The following KLHL21 variants were observed in gnomAD, a reference collection of about 807,000 sequenced individuals.
KLHL21 encodes kelch-like protein 21.
Under a neutral mutation model 44.1 loss-of-function variants are expected in KLHL21, and 42 were observed. The observed-to-expected ratio is 0.95, with a 90% CI of 0.74 to 1.23. The LOEUF is 1.23. Ranked by LOEUF, KLHL21 falls within the 50% of genes most tolerant of loss-of-function variation. The probability of loss-of-function intolerance (pLI) is 0.00; values close to 1 mark genes in which losing one functional copy is unlikely to be tolerated. For synonymous variants in KLHL21, 524 were observed against 411.6 expected (o/e 1.27, Z -3.31); for missense variants, 918 against 889.1 (o/e 1.03, Z -0.41).
At chr1:6,594,149 G>A (rs775220120) in intron 3 of KLHL21, 15 of 894,614 alleles carry the variant, frequency 1.7e-5, no homozygotes, top group Non-Finnish European at 2.0e-5. Context: ...TTAAATGCCA[G>A]GACATTAAGC....
At chr1:6,597,529 G>A (rs1016221902) in intron 2 of KLHL21, among the ~76,000 whole-genome samples, 1 of 152,220 alleles carries the variant, frequency 6.6e-6, no homozygotes, top group Admixed American at 6.5e-5. Context: ...AGATTCCAGG[G>A]CTTTCTCAGA....
chr1:6,597,489 G>C (rs925484544), intron 2 of KLHL21, among the ~76,000 whole-genome samples: 1 of 152,252 alleles, frequency 6.6e-6, no homozygotes, highest in African/African-American at 2.4e-5. Context: ...AGGGTCAGAT[G>C]ATGTTTTATA....
Position 6,602,262 on chromosome 1 carries a change from G to A in KLHL21, c.556C>T (p.Arg186Trp), listed in dbSNP as rs867298014. The A allele has an allele frequency of 2.6e-6, 4 of 1,550,868 alleles. 1 individual carries two copies. The Middle Eastern group carries it at 5.3e-4, about 204-fold the overall frequency. The change falls in exon 1 of 4, where the codon CGG (arginine) becomes TGG (tryptophan). Residue 186 changes from arginine (R) to tryptophan (W), a missense_variant. By Grantham distance (101) the Arg-to-Trp change is moderately radical. Transcript: ENST00000377658. ...TTGGGCACACACAGCCCGTCGTCCCGCAGGTAGCGCAGCAGGCGCGCCAGT... is the reference window on the plus strand; with the variant it reads ...TTGGGCACACACAGCCCGTCGTCCCACAGGTAGCGCAGCAGGCGCGCCAGT... ...LPLARLLRYL[R>W]DDGLCVPKEE...
intron 3 of KLHL21, 68 bp from the exon 4 acceptor site, chr1:6,593,726 C>T (rs2148700730): frequency 6.7e-7 from 1 of 1,488,204 alleles, no homozygotes. Context: ...ACCTGGGGAA[C>T]CACTGGAGAC....
At chr1:6,594,088 T>C in intron 3 of KLHL21, 1 of 1,002,164 alleles carries the variant, frequency 1.0e-6, no homozygotes, top group Non-Finnish European at 1.2e-6. Flanking sequence ...TTTCCCAAAT[T>C]CGCTATGACT....
At chr1:6,596,165 G>A (rs970119826) in intron 2 of KLHL21, among the ~76,000 whole-genome samples, 2 of 152,230 alleles carry the variant, frequency 1.3e-5, no homozygotes, top group Admixed American at 1.3e-4. Flanking sequence ...TTGGGAGGCC[G>A]AGGCTGGTGG....
chr1:6,593,445 C>T lies in KLHL21; in HGVS notation c.1714G>A (p.Gly572Ser). ...TCGCTGCCACTGTCCAACTCGAAGC[C>T]ACGCCCACCCGAGAAGGTCTGGGGC... ...FMPQTFSGGR[G>S]FELDSGSDDM... Residue 572 changes from glycine to serine, a missense_variant, in exon 4 of 4, where the codon GGC (glycine) becomes AGC (serine). Physicochemically the swap from Gly to Ser is moderately conservative, Grantham distance 56. Transcript: ENST00000377658. 6.2e-7 allele frequency: 1 copy of T among 1,613,430 alleles called. No individual in the cohort carries two copies. Among genetic ancestry groups the T allele is most frequent in the Non-Finnish European group, 8.5e-7 (1 of 1,179,952 alleles).
Position 6,602,270 on chromosome 1 carries a change from C to A in KLHL21, c.548G>T (p.Arg183Leu), listed in dbSNP as rs866141215. 3 of 1,553,088 alleles carry A rather than the reference C, an allele frequency of 1.9e-6. No homozygotes were observed. The highest frequency in any genetic ancestry group is 2.6e-6 in the Non-Finnish European group (3 of 1,156,858). Residue 183 changes from arginine (R) to leucine (L), a missense_variant, in exon 1 of 4, where the codon CGC becomes CTC. Arg to Leu is a moderately radical substitution (Grantham distance 102, BLOSUM62 -2). Coordinates refer to ENST00000377658, the MANE Select transcript of KLHL21 (RefSeq NM_014851.4). ...ACACAGCCCGTCGTCCCGCAGGTAG[C>A]GCAGCAGGCGCGCCAGTGGCAGCCG... ...LERLPLARLL[R>L]YLRDDGLCVP...
At chr1:6,596,242 T>G (rs1207559905) in intron 2 of KLHL21, among the ~76,000 whole-genome samples, 1 of 151,962 alleles carries the variant, frequency 6.6e-6, no homozygotes, top group Non-Finnish European at 1.5e-5. Context: ...CTAGTGAAAA[T>G]ACAAAAATTA....
rs543708573 is a variant in KLHL21, at chr1:6,594,239, G to C, written c.1501-581C>G. 145 of 235,212 alleles carry C rather than the reference G, an allele frequency of 6.2e-4. 1 individual carries two copies. Among genetic ancestry groups the C allele is most frequent in the African/African-American group, 3.0e-3 (131 of 42,988 alleles). The allele number at this position is 235,212 out of a possible 1,614,324, so 14.6% of individuals were successfully genotyped here. On this transcript the variant is annotated intron_variant, in intron 3 of 3. Coordinates refer to ENST00000377658, the MANE Select transcript of KLHL21 (RefSeq NM_014851.4). ...CAGACACACAGGAAAGAAGGCTGTAGGCAATATGATGTGTACCTCAGACTA... is the reference window on the plus strand; with the variant it reads ...CAGACACACAGGAAAGAAGGCTGTACGCAATATGATGTGTACCTCAGACTA...
chr1:6,598,965 G>C (rs1640968194), intron 2 of KLHL21, 82 bp downstream of exon 2: 1 of 1,359,974 alleles, frequency 7.4e-7, no homozygotes, highest in South Asian at 1.5e-5. Flanking sequence ...GTGGAAAAGG[G>C]AGAACAGCCA....
chr1:6,602,459 G>C lies in KLHL21; in HGVS notation c.359C>G (p.Ala120Gly), dbSNP rs1290649759. Residue 120 changes from alanine to glycine, a missense_variant, in exon 1 of 4, where the codon GCC (alanine) becomes GGC (glycine). Coordinates refer to ENST00000377658, the MANE Select transcript of KLHL21 (RefSeq NM_014851.4). Reference sequence around the variant, plus strand: ...GAAGGCCCCGCACGCCTCCTTCACGGCCGGGAACTGCAGCAGGTCGGCGGC... The same window carrying C: ...GAAGGCCCCGCACGCCTCCTTCACGCCCGGGAACTGCAGCAGGTCGGCGGC... The part of the protein sequence containing the change: ...LRAADLLQFP[A>G]VKEACGAFLQ... 2 of 1,577,242 alleles carry C rather than the reference G, an allele frequency of 1.3e-6. No individual in the cohort carries two copies. Among genetic ancestry groups the C allele is most frequent in the Non-Finnish European group, 1.7e-6 (2 of 1,167,808 alleles).
In KLHL21 at chr1:6,590,953, G is replaced by A; in HGVS notation, c.*2412C>T. ...TATAGTAGATCAGCATTAAATACCA[G>A]TCACTGTGTTTATATAACTTAATTT... is the stretch of plus-strand genomic sequence containing the variant. On this transcript the variant is annotated 3_prime_UTR_variant, in exon 4 of 4. Transcript: ENST00000377658. 1 of 398,636 alleles carries A rather than the reference G, an allele frequency of 2.5e-6. No individual in the cohort carries two copies. The highest frequency in any genetic ancestry group is 4.4e-6 in the Non-Finnish European group (1 of 226,082). 24.7% of individuals were successfully genotyped at this position (398,636 alleles called of 1,614,324 possible). A position where few individuals can be genotyped will look rare whatever the true frequency, so the allele number is the denominator to read the frequency against.
Position 6,602,801 on chromosome 1 carries a change from G to T in KLHL21, c.17C>A (p.Pro6His). 1 of 1,459,238 alleles carries T rather than the reference G, an allele frequency of 6.9e-7. No homozygotes were observed. The highest frequency in any genetic ancestry group is 9.0e-7 in the Non-Finnish European group (1 of 1,115,964). The allele number at this position is 1,459,238 out of a possible 1,614,324, so 90.4% of individuals were successfully genotyped here. A position where few individuals can be genotyped will look rare whatever the true frequency, so the allele number is the denominator to read the frequency against. The change falls in exon 1 of 4, where the codon CCC becomes CAC. Residue 6 changes from proline to histidine, a missense_variant. Coordinates refer to ENST00000377658, the MANE Select transcript of KLHL21 (RefSeq NM_014851.4). MERPA[P>H]LAVLPFSDPA... The stretch of plus-strand genomic sequence containing the variant: ...GTCCGAGAAGGGAAGCACGGCCAGG[G>T]GCGCCGGTCGCTCCATGGCGCCTTC...
At position 6,601,889 on chromosome 1, in the gene KLHL21, T is replaced by G; in HGVS notation, c.929A>C (p.Gln310Pro). 1 of 1,569,932 alleles carries G rather than the reference T, an allele frequency of 6.4e-7. No individual in the cohort carries two copies. The highest frequency in any genetic ancestry group is 8.6e-7 in the Non-Finnish European group (1 of 1,158,370). ...ELVTVDCYNP[Q>P]TGQWRYLAEF... The stretch of plus-strand genomic sequence containing the variant: ...GGCCAGGTAGCGCCACTGACCCGTC[T>G]GCGGGTTGTAGCAGTCGACAGTGAC... Residue 310 changes from glutamine to proline, a missense_variant, in exon 1 of 4, where the codon CAG (glutamine) becomes CCG (proline). Gln to Pro is a moderately conservative substitution (Grantham distance 76). Transcript: ENST00000377658.
rs867093732 is a variant in KLHL21, at chr1:6,601,963, G to A, written c.855C>T (p.Ala285=). 19 of 1,557,844 alleles carry A rather than the reference G, an allele frequency of 1.2e-5. 1 individual carries two copies. The highest frequency in any genetic ancestry group is 1.7e-4 in the Middle Eastern group (1 of 6,016). ...RMRPRPSTGL[A]EILVLVGGCD... ...AGCCGCCCACGAGCACGAGGATCTCGGCGAGACCGGTGGACGGGCGAGGAC... is the reference window on the plus strand; with the variant it reads ...AGCCGCCCACGAGCACGAGGATCTCAGCGAGACCGGTGGACGGGCGAGGAC... The change falls in exon 1 of 4, where the codon GCC becomes GCT. Residue 285 remains alanine (A), a synonymous_variant. Coordinates refer to ENST00000377658, the MANE Select transcript of KLHL21 (RefSeq NM_014851.4).
chr1:6,599,237 C>A lies in KLHL21; in HGVS notation c.1237G>T (p.Asp413Tyr). ...CGGCACGCAGTGGTGGAGCAGTTGT[C>A]CATGGGGTAGGTCATGGGCTGCAGG... ...EALQPMTYPM[D>Y]NCSTTACRGR... The change falls in exon 2 of 4, where the codon GAC (aspartate) becomes TAC (tyrosine). Residue 413 changes from aspartate (D) to tyrosine (Y), a missense_variant. Coordinates refer to ENST00000377658, the MANE Select transcript of KLHL21 (RefSeq NM_014851.4). 1 of 1,614,086 alleles carries A rather than the reference C, an allele frequency of 6.2e-7. No homozygotes were observed. Among genetic ancestry groups the A allele is most frequent in the Non-Finnish European group, 8.5e-7 (1 of 1,180,014 alleles).
At chr1:6,594,161 G>A in intron 3 of KLHL21, 1 of 810,444 alleles carries the variant, frequency 1.2e-6, no homozygotes. Flanking sequence ...ACATTAAGCT[G>A]TGATGTAAGC....
Position 6,602,311 on chromosome 1 carries a change from G to T in KLHL21, c.507C>A (p.Gly169=). The change falls in exon 1 of 4, where the codon GGC becomes GGA. Residue 169 remains glycine, a synonymous_variant. Transcript: ENST00000377658. ...RFILRHVGEL[G]AEQLERLPLA... is the part of the protein sequence containing the mutation. ...GTGGCAGCCGCTCCAGCTGCTCGGC[G>T]CCCAGCTCGCCCACGTGGCGCAGAA... 6.4e-7 allele frequency: 1 copy of T among 1,552,550 alleles called. No individual in the cohort carries two copies. The highest frequency in any genetic ancestry group is 8.7e-7 in the Non-Finnish European group (1 of 1,155,974).
Sources: allele counts gnomAD v4.1 joint callset (sites outside exome capture counted in the v4.1 genomes callset), GRCh38; gene constraint gnomAD v4.1.1; transcripts MANE v1.5; gene names NCBI Gene and HGNC (gene_info 2026-07-23, HGNC 2026-07-21).